ARRB1: variants seen among roughly 807,000 people sequenced by gnomAD.
ARRB1 encodes the protein beta-arrestin-1.
ARRB1 carries 21 observed loss-of-function variants against 56.8 expected under a neutral mutation model. The observed-to-expected ratio is 0.37, with a 90% confidence interval of 0.26 to 0.53. ARRB1 has a LOEUF of 0.53. Among genes scored for constraint, ARRB1 ranks in the 20% least tolerant of loss-of-function variants. The probability of loss-of-function intolerance (pLI) is 0.88; values close to 1 mark genes in which losing one functional copy is unlikely to be tolerated. For synonymous variants in ARRB1, 210 were observed against 218.6 expected, an observed-to-expected ratio of 0.96 and a Z score of 0.35; for missense variants, 424 against 553.7, an observed-to-expected ratio of 0.77 and a Z score of 2.35.
rs1168340204 is a variant in ARRB1, at chr11:75,281,992, T to G, written c.384A>C (p.Thr128=). Residue 128 remains threonine (T), a synonymous_variant, in exon 6 of 16, where the codon ACA becomes ACC. Transcript: ENST00000420843. ...CCGTGTCTTCGGGCCCCGGCTGCAGTGTCACAGAACATGGAAGGTTTGGAG... is the reference window on the plus strand; with the variant it reads ...CCGTGTCTTCGGGCCCCGGCTGCAGGGTCACAGAACATGGAAGGTTTGGAG... ...EIPPNLPCSV[T]LQPGPEDTGK... 1 of 1,614,040 alleles carries G rather than the reference T, an allele frequency of 6.2e-7. No homozygotes were observed. Among genetic ancestry groups the G allele is most frequent in the East Asian group, 2.2e-5 (1 of 44,856 alleles).
intron 1 of ARRB1, among the ~76,000 whole-genome samples, chr11:75,350,819 G>A (rs547869992): frequency 6.6e-6 from 1 of 152,228 alleles, no homozygotes; most frequent in Non-Finnish European, 1.5e-5. Context: ...CCTGTGTGAT[G>A]TGTGTGTTTC....
rs371211193 is a variant in ARRB1 at position 75,263,213 on chromosome 11, C to T, written c.*2950G>A. 1.6e-4 allele frequency among the ~76,000 whole-genome samples: 24 copies of T among 152,314 alleles called. No individual in the cohort carries two copies. In the East Asian group the frequency reaches 4.6e-3, roughly 29 times the overall value. On this transcript the variant is annotated 3_prime_UTR_variant, in exon 16 of 16. Coordinates refer to ENST00000420843, the MANE Select transcript of ARRB1 (RefSeq NM_004041.5). ...AAGGTATCACCTGGGCAGGCTGACT[C>T]CAGAAAGGAAAGGGGCCCTGCAGAG... is the stretch of plus-strand genomic sequence containing the variant.
rs899280478 is a variant in ARRB1 at position 75,263,850 on chromosome 11, G to A, written c.*2313C>T. 6.6e-6 allele frequency among the ~76,000 whole-genome samples: 1 copy of A among 152,208 alleles called. No homozygotes were observed. The highest frequency in any genetic ancestry group is 1.5e-5 in the Non-Finnish European group (1 of 68,038). On this transcript the variant is annotated 3_prime_UTR_variant, in exon 16 of 16. Transcript: ENST00000420843. ...GTGAGCGTGATGTTGAGGTGCAGGAGGCTCGGGAAACCAGCCTGACAAACG... is the reference window on the plus strand; with the variant it reads ...GTGAGCGTGATGTTGAGGTGCAGGAAGCTCGGGAAACCAGCCTGACAAACG...
intron 10 of ARRB1, among the ~76,000 whole-genome samples, chr11:75,275,121 A>ATTTT (rs1565107703): frequency 1.2e-4 from 4 of 33,850 alleles, no homozygotes; most frequent in African/African-American, 4.1e-4. Flanking sequence ...AATTTAATTT[A>ATTTT]AATTTATTTT....
At chr11:75,318,274 C>T (rs1947295530) in intron 1 of ARRB1, among the ~76,000 whole-genome samples, 1 of 151,200 alleles carries the variant, frequency 6.6e-6, no homozygotes, top group Non-Finnish European at 1.5e-5. Flanking sequence ...AACAATCCTC[C>T]AGCTTCAGCC....
intron 14 of ARRB1, 60 bp from the exon 15 acceptor site, chr11:75,267,763 G>C: frequency 1.3e-6 from 2 of 1,492,368 alleles, no homozygotes; most frequent in East Asian, 4.5e-5. Context: ...AGCACGGGGC[G>C]AGTAAGCACA....
At chr11:75,302,457 A>G (rs888467899) in intron 1 of ARRB1, among the ~76,000 whole-genome samples, 3 of 152,174 alleles carry the variant, frequency 2.0e-5, no homozygotes, top group African/African-American at 7.2e-5. Context: ...GCTAATCAAA[A>G]TTTCCCCAGG....
intron 1 of ARRB1, among the ~76,000 whole-genome samples, chr11:75,322,606 G>A (rs1191871935): frequency 6.6e-6 from 1 of 152,216 alleles, no homozygotes; most frequent in Admixed American, 6.5e-5. Context: ...GCAGGGACAT[G>A]GGGGCAGGGC....
rs200753370 is a variant in ARRB1, at chr11:75,263,740, GAA to G, written c.*2421_*2422del. On this transcript the variant is annotated 3_prime_UTR_variant, in exon 16 of 16. Transcript: ENST00000420843. Reference sequence around the variant, plus strand: ...GCCTTGTGCAGTCCTGGCTCCAGGAGAAAAAAAAAAAAAAAAGATAGTGCTCT... The same window carrying G: ...GCCTTGTGCAGTCCTGGCTCCAGGAGAAAAAAAAAAAAAAGATAGTGCTCT... Among the ~76,000 whole-genome samples, 26 of 117,992 alleles carry G rather than the reference GAA, an allele frequency of 2.2e-4. No homozygotes were observed. The highest frequency in any genetic ancestry group is 1.4e-3 in the East Asian group (6 of 4,414). 77.4% of individuals were successfully genotyped at this position (117,992 alleles called of 152,430 possible).
At position 75,264,279 on chromosome 11, in the gene ARRB1, G is replaced by C. The variant is rs1945861985; in HGVS notation, c.*1884C>G. 6.6e-6 allele frequency: 1 copy of C among 152,228 alleles called. No individual in the cohort carries two copies. Among genetic ancestry groups the C allele is most frequent in the Non-Finnish European group, 1.5e-5 (1 of 68,034 alleles). The allele number at this position is 152,228 out of a possible 1,614,324, so 9.4% of individuals were successfully genotyped here. Reference sequence around the variant, plus strand: ...GCCTGCCCCAGGAGGTGCTGGACTGGAAAGGATTGAGATGCCACTTGTATA... The same window carrying C: ...GCCTGCCCCAGGAGGTGCTGGACTGCAAAGGATTGAGATGCCACTTGTATA... On this transcript the variant is annotated 3_prime_UTR_variant, in exon 16 of 16. Transcript: ENST00000420843.
chr11:75,292,411 G>A (rs915395161), intron 1 of ARRB1, among the ~76,000 whole-genome samples: 1 of 152,172 alleles, frequency 6.6e-6, no homozygotes, highest in Non-Finnish European at 1.5e-5. Context: ...AAAGTGCTGG[G>A]ATTACAGGCG....
At position 75,325,257 on chromosome 11, in the gene ARRB1, G is replaced by A. The variant is rs549629504; in HGVS notation, c.20+26331C>T. Among the ~76,000 whole-genome samples, 10 of 152,198 alleles carry A rather than the reference G, an allele frequency of 6.6e-5. No individual in the cohort carries two copies. In the East Asian group the frequency reaches 1.4e-3, roughly 21 times the overall value. ...CAGAGGGGTGGGGCAGGAATCCCCC[G>A]ACCCTCACCCCAGCCCCTACTCTGG... is the stretch of plus-strand genomic sequence containing the variant. On this transcript the variant is annotated intron_variant, in intron 1 of 15. Transcript: ENST00000420843.
At chr11:75,272,811 C>A in intron 12 of ARRB1, 84 bp downstream of exon 12, 4 of 1,379,800 alleles carry the variant, frequency 2.9e-6, no homozygotes, top group Non-Finnish European at 4.1e-6. Flanking sequence ...GGGCTGCAAA[C>A]AGGCAGAATG....
At chr11:75,330,900 A>C (rs1300087211) in intron 1 of ARRB1, among the ~76,000 whole-genome samples, 1 of 152,250 alleles carries the variant, frequency 6.6e-6, no homozygotes, top group African/African-American at 2.4e-5. Context: ...AAAAAGAAAG[A>C]CAGCCATTCA....
chr11:75,303,178 T>G (rs1946945570), intron 1 of ARRB1, among the ~76,000 whole-genome samples: 1 of 151,970 alleles, frequency 6.6e-6, no homozygotes, highest in Non-Finnish European at 1.5e-5. Flanking sequence ...ATTATTGTGT[T>G]TTTAGTAGAG....
chr11:75,350,354 C>T (rs1415226477), intron 1 of ARRB1, among the ~76,000 whole-genome samples: 3 of 151,830 alleles, frequency 2.0e-5, no homozygotes, highest in Middle Eastern at 3.4e-3. Flanking sequence ...TAAATGGAAA[C>T]GAGGAGAGGG....
chr11:75,303,555 C>A (rs1446284831), intron 1 of ARRB1: 2 of 456,090 alleles, frequency 4.4e-6, no homozygotes, highest in East Asian at 7.0e-5. Flanking sequence ...CCTTTCTTTT[C>A]TTCCCTTTAT....
chr11:75,332,019 C>T (rs182169219), intron 1 of ARRB1, among the ~76,000 whole-genome samples: 61 of 152,144 alleles, frequency 4.0e-4, no homozygotes, highest in African/African-American at 1.4e-3. Flanking sequence ...GTCTCCGGAG[C>T]TCCCCACTGA....
chr11:75,314,899 G>A (rs537930500), intron 1 of ARRB1, among the ~76,000 whole-genome samples: 4 of 152,226 alleles, frequency 2.6e-5, no homozygotes, highest in Admixed American at 6.5e-5. Context: ...GAGCCACCAC[G>A]CCCAGCCAAC....
Sources: gnomAD v4.1 joint callset for allele counts (sites outside exome capture counted in the v4.1 genomes callset) on GRCh38, gnomAD v4.1.1 for gene constraint, MANE v1.5 for transcripts, NCBI Gene and HGNC (gene_info 2026-07-23, HGNC 2026-07-21) for gene names.